XYLT1: variants seen among roughly 807,000 people sequenced by gnomAD.
XYLT1 encodes the protein beta-D-xylosyltransferase 1.
Under a neutral mutation model 91.3 loss-of-function variants are expected in XYLT1, and 36 were observed. The observed-to-expected ratio is 0.39, with a 90% CI of 0.30 to 0.52. XYLT1 has a LOEUF of 0.52. Ranked by LOEUF, XYLT1 falls within the 20% of genes least tolerant of loss-of-function variation. The pLI, the probability that XYLT1 is intolerant of heterozygous loss-of-function variation, is 0.68. For synonymous variants in XYLT1, 588 were observed against 532.0 expected, an observed-to-expected ratio of 1.11 and a Z score of -1.45; for missense variants, 1,242 against 1,284.5, an observed-to-expected ratio of 0.97 and a Z score of 0.51.
intron 1 of XYLT1, among the ~76,000 whole-genome samples, chr16:17,440,830 G>C (rs1596547178): frequency 6.6e-6 from 1 of 152,070 alleles, no homozygotes; most frequent in African/African-American, 2.4e-5. Flanking sequence ...TTCACACTTT[G>C]GGTCAGGGGA....
At chr16:17,327,205 A>G (rs2034818241) in intron 2 of XYLT1, among the ~76,000 whole-genome samples, 2 of 152,200 alleles carry the variant, frequency 1.3e-5, no homozygotes, top group Non-Finnish European at 2.9e-5. Context: ...TATTCCAACT[A>G]AACGTTTTAA....
intron 1 of XYLT1, among the ~76,000 whole-genome samples, chr16:17,434,934 T>A (rs1456629027): frequency 6.8e-6 from 1 of 147,774 alleles, no homozygotes; most frequent in Non-Finnish European, 1.5e-5. Flanking sequence ...AGGTGTGGAG[T>A]TTTAATGCAG....
intron 1 of XYLT1, among the ~76,000 whole-genome samples, chr16:17,458,928 T>C (rs1213490032): frequency 1.3e-5 from 2 of 151,702 alleles, no homozygotes; most frequent in Non-Finnish European, 2.9e-5. Flanking sequence ...AAGAAGAGAG[T>C]GCATCTGGGA....
At chr16:17,189,431 C>G (rs974926949) in intron 5 of XYLT1, among the ~76,000 whole-genome samples, 4 of 152,186 alleles carry the variant, frequency 2.6e-5, no homozygotes, top group Non-Finnish European at 5.9e-5. Context: ...CAAGAGTCCT[C>G]CAGCACCACT....
At chr16:17,332,151 C>A (rs1184167869) in intron 2 of XYLT1, among the ~76,000 whole-genome samples, 1 of 152,216 alleles carries the variant, frequency 6.6e-6, no homozygotes. Flanking sequence ...CACCTGCTTC[C>A]CTGGGGCTGA....
chr16:17,277,349 C>T (rs1230425816), intron 2 of XYLT1, among the ~76,000 whole-genome samples: 1 of 151,830 alleles, frequency 6.6e-6, no homozygotes, highest in Non-Finnish European at 1.5e-5. Flanking sequence ...AGTTTTCTAA[C>T]CCTTGTCCCC....
In XYLT1 at chr16:17,312,923, C is replaced by G. The variant is rs1739848986; in HGVS notation, c.402+45089G>C. Among the ~76,000 whole-genome samples, 1 of 152,196 alleles carries G rather than the reference C, an allele frequency of 6.6e-6. No homozygotes were observed. The highest frequency in any genetic ancestry group is 6.5e-5 in the Admixed American group (1 of 15,284). On this transcript the variant is annotated intron_variant, in intron 2 of 11. Coordinates refer to ENST00000261381, the MANE Select transcript of XYLT1 (RefSeq NM_022166.4). This position sits in a 1 kb window ranked among gnomAD's most constrained non-coding sequence, Gnocchi z 4.4. ...ATATTTGAAAAGGACTTCTAGGTGT[C>G]AAATGTAGGTTCCAGACCCATCCCA...
rs145297494 is a variant in XYLT1 at position 17,165,123 on chromosome 16, G to C, written c.1290-6214C>G. ...AATCATTATGAAAGCTTAGATCACA[G>C]CAAGATAAAGACTGAAATACCAGCA... On this transcript the variant is annotated intron_variant, in intron 5 of 11. Coordinates refer to ENST00000261381, the MANE Select transcript of XYLT1 (RefSeq NM_022166.4). Among the ~76,000 whole-genome samples the C allele has an allele frequency of 2.8e-3, 428 of 152,304 alleles. 3 individuals are homozygous for C. Among genetic ancestry groups the C allele is most frequent in the African/African-American group, 9.8e-3 (406 of 41,566 alleles).
intron 1 of XYLT1, among the ~76,000 whole-genome samples, chr16:17,391,356 C>A (rs1221178497): frequency 6.6e-6 from 1 of 152,182 alleles, no homozygotes; most frequent in African/African-American, 2.4e-5. Context: ...ATTGCATCCC[C>A]AACCAACCAG....
At chr16:17,257,122 G>C (rs775933223) in intron 3 of XYLT1, among the ~76,000 whole-genome samples, 1 of 152,158 alleles carries the variant, frequency 6.6e-6, no homozygotes, top group Admixed American at 6.5e-5. Flanking sequence ...AGCGACAAGG[G>C]GGTACTGTGA....
At chr16:17,285,872 C>CTG (rs1208598665) in intron 2 of XYLT1, among the ~76,000 whole-genome samples, 15 of 112,350 alleles carry the variant, frequency 1.3e-4, no homozygotes, top group African/African-American at 4.7e-4. Flanking sequence ...CCTGGTGTAT[C>CTG]TCTGTGTGTG....
chr16:17,383,747 A>ATTTTTTT, intron 1 of XYLT1, among the ~76,000 whole-genome samples: 1 of 106,698 alleles, frequency 9.4e-6, no homozygotes, highest in African/African-American at 3.2e-5. Flanking sequence ...CCAAAGTGGA[A>ATTTTTTT]TTTTCTTTTT....
At chr16:17,256,976 A>C (rs530176089) in intron 3 of XYLT1, among the ~76,000 whole-genome samples, 5 of 152,322 alleles carry the variant, frequency 3.3e-5, no homozygotes, top group Admixed American at 3.3e-4. Context: ...ATCTCCATCT[A>C]GCTCGACTCT....
chr16:17,291,080 G>A (rs2034217162), intron 2 of XYLT1, among the ~76,000 whole-genome samples: 1 of 152,188 alleles, frequency 6.6e-6, no homozygotes. Context: ...GACTGCAGGT[G>A]CACACCACCA....
At chr16:17,188,543 A>G (rs752795750) in intron 5 of XYLT1, among the ~76,000 whole-genome samples, 1 of 152,040 alleles carries the variant, frequency 6.6e-6, no homozygotes, top group Non-Finnish European at 1.5e-5. Context: ...CAGCATCTAC[A>G]TCTCAGTTCA....
At position 17,439,120 on chromosome 16, in the gene XYLT1, T is replaced by C. The variant is rs866025956; in HGVS notation, c.363+31314A>G. Reference sequence around the variant, plus strand: ...TTAAGCTGTTATCAAATCATTGTCATCATCATAGTGGCTAAAAGTTAGTGA... The same window carrying C: ...TTAAGCTGTTATCAAATCATTGTCACCATCATAGTGGCTAAAAGTTAGTGA... On this transcript the variant is annotated intron_variant, in intron 1 of 11. Coordinates refer to ENST00000261381, the MANE Select transcript of XYLT1 (RefSeq NM_022166.4). Among the ~76,000 whole-genome samples the C allele has an allele frequency of 2.0e-5, 3 of 152,220 alleles. 1 individual carries two copies. Among genetic ancestry groups the C allele is most frequent in the Non-Finnish European group, 1.5e-5 (1 of 68,042 alleles).
intron 1 of XYLT1, among the ~76,000 whole-genome samples, chr16:17,422,447 C>T (rs1250551981): frequency 2.0e-5 from 3 of 152,158 alleles, no homozygotes; most frequent in Non-Finnish European, 4.4e-5. Flanking sequence ...GATCCTCCCA[C>T]TTTGGTCTCT....
At chr16:17,434,871 GAA>G (rs567413041) in intron 1 of XYLT1, among the ~76,000 whole-genome samples, 2 of 131,236 alleles carry the variant, frequency 1.5e-5, no homozygotes, top group African/African-American at 2.8e-5. Flanking sequence ...CTGTCTCTAA[GAA>G]AAAAAAAAAA....
At chr16:17,392,867 T>C (rs2035837880) in intron 1 of XYLT1, among the ~76,000 whole-genome samples, 1 of 152,236 alleles carries the variant, frequency 6.6e-6, no homozygotes, top group African/African-American at 2.4e-5. Context: ...ATGTTTACTT[T>C]ATCCCATGTA....
Sources: gnomAD v4.1 joint callset for allele counts (sites outside exome capture counted in the v4.1 genomes callset) on GRCh38, gnomAD v4.1.1 for gene constraint, Gnocchi (gnomAD v3.1) non-coding constraint, MANE v1.5 for transcripts, NCBI Gene and HGNC (gene_info 2026-07-23, HGNC 2026-07-21) for gene names.